Variants in UGT2B15 observed in about 807,000 individuals in gnomAD.
The protein encoded by UGT2B15 is UDP glucuronosyltransferase family 2 member B15, also known as UDP-glucuronosyltransferase 2B15.
In UGT2B15, 36 loss-of-function variants were observed where a neutral mutation model predicts 45.9. The ratio of observed to expected loss-of-function variants is 0.78; its 90% CI spans 0.60 to 1.04. The LOEUF is 1.04. Ranked by LOEUF, UGT2B15 falls within the 50% of genes least tolerant of loss-of-function variation. The probability of loss-of-function intolerance (pLI) is 0.00; values close to 1 mark genes in which losing one functional copy is unlikely to be tolerated. For missense variants in UGT2B15, 617 were observed against 622.4 expected, an observed-to-expected ratio of 0.99 and a Z score of 0.09; for synonymous variants, 219 against 216.4, an observed-to-expected ratio of 1.01 and a Z score of -0.11.
chr4:68,663,352 CATGT>C, intron 2 of UGT2B15, among the ~76,000 whole-genome samples: 1 of 151,908 alleles, frequency 6.6e-6, no homozygotes, highest in South Asian at 2.1e-4. Flanking sequence ...TGTGCATATG[CATGT>C]ATGTATGTGT....
intron 2 of UGT2B15, among the ~76,000 whole-genome samples, chr4:68,667,602 C>G (rs1184152280): frequency 2.6e-5 from 4 of 152,094 alleles, no homozygotes; most frequent in Admixed American, 6.6e-5. Flanking sequence ...TCATTGTGGT[C>G]TTTCCTTATA....
chr4:68,648,387 T>C (rs1211795992), intron 5 of UGT2B15, among the ~76,000 whole-genome samples: 1 of 152,070 alleles, frequency 6.6e-6, no homozygotes, highest in African/African-American at 2.4e-5. Context: ...GTCTCTCTCA[T>C]TGAGCATTCT....
chr4:68,663,294 T>A (rs998117190), intron 2 of UGT2B15, among the ~76,000 whole-genome samples, 155 bp from the exon 3 acceptor site: 39 of 151,676 alleles, frequency 2.6e-4, no homozygotes, highest in Admixed American at 2.2e-3. Flanking sequence ...AAAGGAGATG[T>A]GTAATATAAT....
At chr4:68,653,628 T>A (rs933172057) in intron 5 of UGT2B15, among the ~76,000 whole-genome samples, 1 of 152,000 alleles carries the variant, frequency 6.6e-6, no homozygotes, top group Non-Finnish European at 1.5e-5. Context: ...CAAATTATAA[T>A]TCATTATCAC....
At chr4:68,663,698 A>G (rs1196380168) in intron 2 of UGT2B15, among the ~76,000 whole-genome samples, 1 of 151,872 alleles carries the variant, frequency 6.6e-6, no homozygotes, top group Non-Finnish European at 1.5e-5. Flanking sequence ...TAGCTCTCTA[A>G]CCCTTTATAT....
intron 3 of UGT2B15, among the ~76,000 whole-genome samples, chr4:68,659,130 GAAAAAC>G (rs1185428909): frequency 6.6e-6 from 1 of 151,932 alleles, no homozygotes; most frequent in African/African-American, 2.4e-5. Flanking sequence ...ATAAAATTTT[GAAAAAC>G]AAAGTTATTT....
chr4:68,665,333 G>A lies in UGT2B15; in HGVS notation c.874-2194C>T, dbSNP rs140568983. On this transcript the variant is annotated intron_variant, in intron 2 of 5. Transcript: ENST00000338206. Reference sequence around the variant, plus strand: ...GTGATCTTGTTCTACTCATCATTTTGTTCCTTAGTTTCCAACTATACCTGT... The same window carrying A: ...GTGATCTTGTTCTACTCATCATTTTATTCCTTAGTTTCCAACTATACCTGT... Among the ~76,000 whole-genome samples, 1,225 of 152,016 alleles carry A rather than the reference G, an allele frequency of 8.1e-3. 18 individuals are homozygous for A. Among genetic ancestry groups the A allele is most frequent in the African/African-American group, 0.028 (1,164 of 41,466 alleles).
intron 3 of UGT2B15, among the ~76,000 whole-genome samples, chr4:68,661,454 T>C (rs1219639279): frequency 6.6e-6 from 1 of 151,998 alleles, no homozygotes; most frequent in Non-Finnish European, 1.5e-5. Flanking sequence ...AATAAAAAAG[T>C]AGCAAATTAG....
At position 68,647,337 on chromosome 4, in the gene UGT2B15, G is replaced by A. The variant is rs1480411884; in HGVS notation, c.1360C>T (p.Pro454Ser). ...ACTGCTCGATCCAGGGGCTTCATTG[G>A]TTGGTCATGATGAATTCTTGATAAT... ...MKLSRIHHDQ[P>S]MKPLDRAVFW... The change falls in exon 6 of 6, where the codon CCA (proline) becomes TCA (serine). Residue 454 changes from proline to serine, a missense_variant. Coordinates refer to ENST00000338206, the MANE Select transcript of UGT2B15 (RefSeq NM_001076.4). 4.3e-6 allele frequency: 7 copies of A among 1,613,604 alleles called. No homozygotes were observed. The highest frequency in any genetic ancestry group is 1.3e-5 in the African/African-American group (1 of 74,862).
rs534724454 is a variant in UGT2B15, at chr4:68,670,178, A to G, written c.441T>C (p.Asp147=). ...LMMKLQESKF[D]VILADALNPC... Reference sequence around the variant, plus strand: ...GATTAAGGGCATCTGCCAGAATGACATCAAACTTTGACTCTTGTAGTTTCA... The same window carrying G: ...GATTAAGGGCATCTGCCAGAATGACGTCAAACTTTGACTCTTGTAGTTTCA... The change falls in exon 1 of 6, where the codon GAT becomes GAC. Residue 147 remains aspartate, a synonymous_variant. Coordinates refer to ENST00000338206, the MANE Select transcript of UGT2B15 (RefSeq NM_001076.4). 2 of 1,614,092 alleles carry G rather than the reference A, an allele frequency of 1.2e-6. No homozygotes were observed. The highest frequency in any genetic ancestry group is 2.2e-5 in the South Asian group (2 of 91,060).
At chr4:68,666,505 C>G (rs911748853) in intron 2 of UGT2B15, among the ~76,000 whole-genome samples, 2 of 151,872 alleles carry the variant, frequency 1.3e-5, no homozygotes, top group Non-Finnish European at 2.9e-5. Context: ...TTTTTCCACA[C>G]AGCACAATAT....
rs188117256 is a variant in UGT2B15 at position 68,651,121 on chromosome 4, A to G, written c.1313+2916T>C. ...TAGGTTGCCTGTTCCCTCTGACGAT[A>G]GTTTATTTTGCTGTGCAGAAGCTCT... On this transcript the variant is annotated intron_variant, in intron 5 of 5. Transcript: ENST00000338206. Among the ~76,000 whole-genome samples, 808 of 151,042 alleles carry G rather than the reference A, an allele frequency of 5.3e-3. 9 individuals carry two copies. Among genetic ancestry groups the G allele is most frequent in the African/African-American group, 0.018 (754 of 41,122 alleles).
intron 5 of UGT2B15, among the ~76,000 whole-genome samples, chr4:68,650,111 G>A (rs1258466857): frequency 6.6e-6 from 1 of 151,914 alleles, no homozygotes; most frequent in East Asian, 1.9e-4. Context: ...TGGGATTACG[G>A]GCGTGAGTCA....
chr4:68,668,875 C>G (rs1733219015), intron 1 of UGT2B15, among the ~76,000 whole-genome samples: 1 of 151,910 alleles, frequency 6.6e-6, no homozygotes, highest in Non-Finnish European at 1.5e-5. Flanking sequence ...AATGTAGCCA[C>G]TATGAACTTA....
chr4:68,668,285 C>A lies in UGT2B15; in HGVS notation c.725-97G>T, dbSNP rs1733202180. 2.6e-6 allele frequency: 4 copies of A among 1,540,820 alleles called. No homozygotes were observed. The Admixed American group carries it at 6.0e-5, about 23-fold the overall frequency. ...TCCTGAAAGGACTTGGAATAACATA[C>A]CCAAACATATATAAAATGTCTGTGC... On this transcript the variant is annotated intron_variant, in intron 1 of 5. Coordinates refer to ENST00000338206, the MANE Select transcript of UGT2B15 (RefSeq NM_001076.4).
chr4:68,653,997 AT>A, intron 5 of UGT2B15, 39 bp downstream of exon 5: 7 of 1,599,268 alleles, frequency 4.4e-6, no homozygotes, highest in Non-Finnish European at 6.0e-6. Flanking sequence ...TGACAAAATA[AT>A]TTATAAATAC....
chr4:68,656,937 G>C (rs1326704641), intron 3 of UGT2B15, among the ~76,000 whole-genome samples: 2 of 152,044 alleles, frequency 1.3e-5, no homozygotes, highest in Non-Finnish European at 2.9e-5. Flanking sequence ...ACAAAGTAGG[G>C]GGTGGCTGAG....
Position 68,658,129 on chromosome 4 carries a change from GA to G in UGT2B15, c.1006-2948del, listed in dbSNP as rs776625950. Among the ~76,000 whole-genome samples, 138 of 152,056 alleles carry G rather than the reference GA, an allele frequency of 9.1e-4. 3 individuals are homozygous for G. Among genetic ancestry groups the G allele is most frequent in the Non-Finnish European group, 1.7e-3 (113 of 67,956 alleles). On this transcript the variant is annotated intron_variant, in intron 3 of 5. Coordinates refer to ENST00000338206, the MANE Select transcript of UGT2B15 (RefSeq NM_001076.4). The stretch of plus-strand genomic sequence containing the variant: ...ATTGAAACAGGTTATCAAGAATTTG[GA>G]AGTCTAATATGGCAAAATGTAGTTT...
intron 3 of UGT2B15, 59 bp from the exon 4 acceptor site, chr4:68,655,241 T>A: frequency 6.4e-7 from 1 of 1,571,184 alleles, no homozygotes; most frequent in Non-Finnish European, 8.7e-7. Flanking sequence ...CATAGCATGT[T>A]AGAATTCTGA....
Sources: allele counts gnomAD v4.1 joint callset (sites outside exome capture counted in the v4.1 genomes callset), GRCh38; gene constraint gnomAD v4.1.1; transcripts MANE v1.5; gene names NCBI Gene and HGNC (gene_info 2026-07-23, HGNC 2026-07-21).